The following SUGCT variants were observed in gnomAD, a reference collection of about 807,000 sequenced individuals.
SUGCT encodes the protein succinyl-CoA:glutarate-CoA transferase.
A neutral mutation model predicts 55.0 loss-of-function variants in SUGCT; 41 were observed. That is an observed-to-expected ratio of 0.74 (90% CI 0.58 to 0.97). The LOEUF (loss-of-function observed/expected upper bound fraction) is 0.97, where lower values mean the gene tolerates loss of function less well. Ranked by LOEUF, SUGCT falls within the 50% of genes least tolerant of loss-of-function variation. The pLI is 0.00. For missense variants in SUGCT, 568 were observed against 547.8 expected (o/e 1.04, Z -0.37); for synonymous variants, 187 against 200.4 (o/e 0.93, Z 0.56).
At chr7:40,404,546 C>T (rs1334949131) in intron 9 of SUGCT, among the ~76,000 whole-genome samples, 1 of 152,038 alleles carries the variant, frequency 6.6e-6, no homozygotes, top group East Asian at 1.9e-4. Context: ...AAGCGATTCT[C>T]CTGCCTCAGC....
chr7:40,859,182 C>T (rs1179643996), intron 13 of SUGCT, among the ~76,000 whole-genome samples: 2 of 152,202 alleles, frequency 1.3e-5, no homozygotes, highest in Non-Finnish European at 2.9e-5. Context: ...ACATAAAGGA[C>T]AGCCAACATA....
At chr7:40,898,607 C>T in the SUGCT span, among the ~76,000 whole-genome samples, 2 of 151,454 alleles carry the variant, frequency 1.3e-5, no homozygotes, top group Admixed American at 6.6e-5. Flanking sequence ...GCTTGTAGTC[C>T]TAGCTACGGG....
intron 11 of SUGCT, among the ~76,000 whole-genome samples, chr7:40,461,668 A>G (rs114827235): frequency 8.4e-4 from 128 of 152,300 alleles, no homozygotes; most frequent in African/African-American, 2.6e-3. Context: ...GGCCTTCTCA[A>G]CATTCTCGTC....
chr7:40,712,292 A>G (rs1437288050), intron 12 of SUGCT, among the ~76,000 whole-genome samples: 1 of 152,272 alleles, frequency 6.6e-6, no homozygotes, highest in African/African-American at 2.4e-5. Flanking sequence ...ATAGAAAAAT[A>G]TAACCTACCT....
chr7:40,199,613 A>G (rs780822177), intron 6 of SUGCT, among the ~76,000 whole-genome samples: 1 of 152,140 alleles, frequency 6.6e-6, no homozygotes, highest in Non-Finnish European at 1.5e-5. Context: ...TCTTCTGAAC[A>G]TGTTATTAAT....
intron 12 of SUGCT, among the ~76,000 whole-genome samples, chr7:40,564,802 T>C (rs1431234988): frequency 6.6e-6 from 1 of 152,206 alleles, no homozygotes; most frequent in African/African-American, 2.4e-5. Context: ...CAACTTTCCC[T>C]TTCTGTTAGT....
At chr7:41,035,328 C>G in the SUGCT span, among the ~76,000 whole-genome samples, 1 of 152,220 alleles carries the variant, frequency 6.6e-6, no homozygotes, top group Non-Finnish European at 1.5e-5. Context: ...ATAGGGCCCT[C>G]TTACTCCTAC....
At chr7:40,590,080 T>C (rs1231545267) in intron 12 of SUGCT, among the ~76,000 whole-genome samples, 1 of 152,142 alleles carries the variant, frequency 6.6e-6, no homozygotes, top group Non-Finnish European at 1.5e-5. Flanking sequence ...CATTAGTATA[T>C]CTGTTATGGT....
the SUGCT span, among the ~76,000 whole-genome samples, chr7:40,955,314 A>T: frequency 6.6e-6 from 1 of 152,098 alleles, no homozygotes; most frequent in East Asian, 1.9e-4. Context: ...TTCCTTGAGC[A>T]GTAGTTTGTA....
chr7:40,272,095 C>CTCTATA (rs1554299494), intron 7 of SUGCT, among the ~76,000 whole-genome samples: 5 of 85,414 alleles, frequency 5.9e-5, no homozygotes, highest in African/African-American at 2.3e-4. Flanking sequence ...CTCTCTCTCT[C>CTCTATA]TATATATATA....
intron 9 of SUGCT, among the ~76,000 whole-genome samples, chr7:40,366,553 C>T (rs1002643984): frequency 1.3e-5 from 2 of 152,150 alleles, no homozygotes; most frequent in Middle Eastern, 3.4e-3. Context: ...ACAATAAAAT[C>T]AAACAAATTT....
chr7:40,540,559 T>C (rs994989233), intron 12 of SUGCT, among the ~76,000 whole-genome samples: 1 of 152,248 alleles, frequency 6.6e-6, no homozygotes, highest in Non-Finnish European at 1.5e-5. Context: ...TACAGCTTCC[T>C]GCACTGGCTG....
rs1028346946 is a variant in SUGCT, at chr7:40,211,541, G to A, written c.484+16481G>A. Among the ~76,000 whole-genome samples the A allele has an allele frequency of 1.1e-4, 17 of 152,142 alleles. No individual in the cohort carries two copies. In the East Asian group the frequency reaches 1.2e-3, roughly 10 times the overall value. ...GACTTGAATTATTTATTACATACAC[G>A]AGGCATGGAGATTATTGAATATAAG... On this transcript the variant is annotated intron_variant, in intron 6 of 13. Coordinates refer to ENST00000335693, the MANE Select transcript of SUGCT (RefSeq NM_001193313.2).
intron 1 of SUGCT, among the ~76,000 whole-genome samples, chr7:40,135,857 A>G (rs1288916283): frequency 1.3e-5 from 2 of 152,168 alleles, no homozygotes; most frequent in Admixed American, 1.3e-4. Context: ...GGGTTTCGCC[A>G]TATTGGCCAG....
At chr7:40,760,808 G>A (rs183715053) in intron 13 of SUGCT, among the ~76,000 whole-genome samples, 10 of 151,722 alleles carry the variant, frequency 6.6e-5, no homozygotes, top group East Asian at 5.9e-4. Flanking sequence ...GCTGTCTCAC[G>A]TATTTCAGTG....
At chr7:40,969,697 T>G in the SUGCT span, among the ~76,000 whole-genome samples, 37 of 152,324 alleles carry the variant, frequency 2.4e-4, no homozygotes, top group Non-Finnish European at 4.6e-4. Flanking sequence ...AAACTTGATT[T>G]CCAGTTTCAG....
chr7:40,284,531 C>T (rs1201359004), intron 8 of SUGCT, among the ~76,000 whole-genome samples: 1 of 150,626 alleles, frequency 6.6e-6, no homozygotes, highest in Non-Finnish European at 1.5e-5. Context: ...TTGCTTGAAC[C>T]CGGGAGACAG....
intron 9 of SUGCT, among the ~76,000 whole-genome samples, chr7:40,380,214 T>A (rs1583558470): frequency 6.6e-6 from 1 of 152,202 alleles, no homozygotes; most frequent in African/African-American, 2.4e-5. Flanking sequence ...TGCAACTTAC[T>A]GTTTTTCAAG....
At chr7:40,932,437 G>A in the SUGCT span, among the ~76,000 whole-genome samples, 6 of 152,138 alleles carry the variant, frequency 3.9e-5, no homozygotes, top group Admixed American at 3.3e-4. Flanking sequence ...TTGTCTATTA[G>A]GTCCGCTTGG....
Sources: allele counts gnomAD v4.1 joint callset (sites outside exome capture counted in the v4.1 genomes callset), GRCh38; gene constraint gnomAD v4.1.1; transcripts MANE v1.5; gene names NCBI Gene and HGNC (gene_info 2026-07-23, HGNC 2026-07-21).